Variants in NDNF observed in about 807,000 individuals in gnomAD.
NDNF encodes the protein protein NDNF.
Under a neutral mutation model 42.0 loss-of-function variants are expected in NDNF, and 16 were observed. That is an observed-to-expected ratio of 0.38 (90% CI 0.26 to 0.58). The LOEUF is 0.58. Among genes scored for constraint, NDNF ranks in the 20% least tolerant of loss-of-function variants. The pLI, the probability that NDNF is intolerant of heterozygous loss-of-function variation, is 0.67. For synonymous variants in NDNF, 248 were observed against 251.7 expected (o/e 0.99, Z 0.14); for missense variants, 616 against 666.2 (o/e 0.92, Z 0.83).
At chr4:121,062,975 ATTAAATT>A (rs773865117) in intron 1 of NDNF, among the ~76,000 whole-genome samples, 61 of 152,266 alleles carry the variant, frequency 4.0e-4, no homozygotes, top group Middle Eastern at 3.4e-3. Flanking sequence ...TATTTTTCTT[ATTAAATT>A]TTAAAGGGTT....
intron 1 of NDNF, among the ~76,000 whole-genome samples, chr4:121,055,312 G>T (rs1418926952): frequency 4.6e-5 from 7 of 152,116 alleles, no homozygotes; most frequent in African/African-American, 1.7e-4. Context: ...GGTTTTTTCA[G>T]CTTTGTAGAG....
chr4:121,042,745 A>C (rs1046925618), intron 2 of NDNF, among the ~76,000 whole-genome samples: 3 of 152,150 alleles, frequency 2.0e-5, no homozygotes, highest in African/African-American at 7.2e-5. Context: ...AGTGTTCAAA[A>C]CTTCGTGTTT....
chr4:121,041,366 C>T (rs1454229580), intron 2 of NDNF, among the ~76,000 whole-genome samples: 1 of 152,152 alleles, frequency 6.6e-6, no homozygotes, highest in Non-Finnish European at 1.5e-5. Context: ...ATATCTCTTG[C>T]CTTCCTATTC....
At chr4:121,053,286 G>T (rs1727231647) in intron 1 of NDNF, among the ~76,000 whole-genome samples, 1 of 152,142 alleles carries the variant, frequency 6.6e-6, no homozygotes, top group Admixed American at 6.5e-5. Flanking sequence ...ACATGCCAAG[G>T]ATTCGAATAA....
At position 121,037,174 on chromosome 4, in the gene NDNF, C is replaced by A; in HGVS notation, c.797G>T (p.Arg266Leu). Residue 266 changes from arginine to leucine, a missense_variant, in exon 4 of 4, where the codon CGC (arginine) becomes CTC (leucine). Transcript: ENST00000379692. ...TGGAGAAGGCTTTGCCTGGAAACTG[C>A]GTTCTTTACCTGAATTATCAGAAGG... is the stretch of plus-strand genomic sequence containing the variant. ...GFPSDNSGKE[R>L]SFQAKPSPKL... 6.2e-7 allele frequency: 1 copy of A among 1,613,920 alleles called. No homozygotes were observed.
chr4:121,060,113 C>A (rs1350866486), intron 1 of NDNF, among the ~76,000 whole-genome samples: 1 of 152,100 alleles, frequency 6.6e-6, no homozygotes, highest in Non-Finnish European at 1.5e-5. Context: ...CATATCCTTT[C>A]TTTTTCTAAG....
chr4:121,063,698 C>T (rs745757182), intron 1 of NDNF, among the ~76,000 whole-genome samples: 5 of 151,772 alleles, frequency 3.3e-5, no homozygotes, highest in South Asian at 2.1e-4. Context: ...TTGGGGGTGT[C>T]GGGGGGGCCA....
intron 1 of NDNF, among the ~76,000 whole-genome samples, chr4:121,068,182 T>C (rs1257945101): frequency 6.6e-6 from 1 of 151,858 alleles, no homozygotes; most frequent in African/African-American, 2.4e-5. Flanking sequence ...AAGTATTTAC[T>C]TTTTTTTTCT....
At chr4:121,053,316 G>A (rs1288203611) in intron 1 of NDNF, among the ~76,000 whole-genome samples, 3 of 152,152 alleles carry the variant, frequency 2.0e-5, no homozygotes, top group South Asian at 2.1e-4. Context: ...TCTGTCATGC[G>A]CTCCCTCTGA....
chr4:121,066,675 C>G (rs144446236), intron 1 of NDNF, among the ~76,000 whole-genome samples: 10 of 152,192 alleles, frequency 6.6e-5, no homozygotes, highest in African/African-American at 2.4e-4. Flanking sequence ...TTTTAGAGGT[C>G]TAATTATGAG....
chr4:121,048,705 G>A (rs1027710656), intron 1 of NDNF, among the ~76,000 whole-genome samples: 1 of 152,146 alleles, frequency 6.6e-6, no homozygotes, highest in African/African-American at 2.4e-5. Context: ...GCGTGTGGTG[G>A]TGGGCGCCTG....
At position 121,036,699 on chromosome 4, in the gene NDNF, G is replaced by C; in HGVS notation, c.1272C>G (p.Asn424Lys). The C allele has an allele frequency of 6.2e-7, 1 of 1,614,086 alleles. No homozygotes were observed. Among genetic ancestry groups the C allele is most frequent in the Non-Finnish European group, 8.5e-7 (1 of 1,180,012 alleles). ...KAKYLVRLKG[N>K]KKGASMLKIL... ...TTTTCAACATAGATGCTCCTTTCTTGTTTCCTTTCAGTCGAACGAGGTATT... is the reference window on the plus strand; with the variant it reads ...TTTTCAACATAGATGCTCCTTTCTTCTTTCCTTTCAGTCGAACGAGGTATT... The change falls in exon 4 of 4, where the codon AAC (asparagine) becomes AAG (lysine). Residue 424 changes from asparagine (N) to lysine (K), a missense_variant. Physicochemically the swap from Asn to Lys is moderately conservative, Grantham distance 94. Transcript: ENST00000379692.
At chr4:121,058,030 T>C (rs1467076982) in intron 1 of NDNF, among the ~76,000 whole-genome samples, 2 of 152,186 alleles carry the variant, frequency 1.3e-5, no homozygotes, top group Non-Finnish European at 2.9e-5. Flanking sequence ...GTTATTTTTT[T>C]ATTTTTCTTG....
chr4:121,046,037 A>AT (rs1186215925), intron 1 of NDNF, among the ~76,000 whole-genome samples, 199 bp from the exon 2 acceptor site: 12 of 152,362 alleles, frequency 7.9e-5, no homozygotes, highest in Admixed American at 7.2e-4. Context: ...TTAAAAATAA[A>AT]TTCACTAGAA....
Position 121,036,458 on chromosome 4 carries a change from C to A in NDNF, c.1513G>T (p.Asp505Tyr). The change falls in exon 4 of 4, where the codon GAT becomes TAT. Residue 505 changes from aspartate (D) to tyrosine (Y), a missense_variant. By Grantham distance (160) the Asp-to-Tyr change is radical. Coordinates refer to ENST00000379692, the MANE Select transcript of NDNF (RefSeq NM_024574.4). ...KREQNQCLGP[D>Y]IRKKSEKVLC... ...ACCTTTTCTGACTTCTTCCTTATAT[C>A]TGGTCCTAGACATTGGTTTTGCTCT... 6.2e-7 allele frequency: 1 copy of A among 1,614,152 alleles called. No homozygotes were observed. The highest frequency in any genetic ancestry group is 1.6e-4 in the Middle Eastern group (1 of 6,062).
At chr4:121,070,443 T>C (rs1175695600) in intron 1 of NDNF, among the ~76,000 whole-genome samples, 1 of 152,134 alleles carries the variant, frequency 6.6e-6, no homozygotes, top group African/African-American at 2.4e-5. Flanking sequence ...CGGAGTCCTA[T>C]TTATTTCCAT....
intron 1 of NDNF, among the ~76,000 whole-genome samples, chr4:121,066,144 A>G (rs534833664): frequency 8.5e-4 from 129 of 152,216 alleles, no homozygotes; most frequent in Admixed American, 2.2e-3. Flanking sequence ...TAGAGTGTTA[A>G]ATGTTTATCT....
intron 1 of NDNF, among the ~76,000 whole-genome samples, chr4:121,067,906 G>A (rs1469872543): frequency 1.3e-5 from 2 of 152,202 alleles, no homozygotes; most frequent in South Asian, 2.1e-4. Context: ...TGGGTTGTGT[G>A]TTTAGGAAGG....
chr4:121,041,337 T>C (rs1462856429), intron 2 of NDNF, among the ~76,000 whole-genome samples: 4 of 152,332 alleles, frequency 2.6e-5, no homozygotes, highest in South Asian at 4.1e-4. Flanking sequence ...CTTTGCCTCC[T>C]GTGGATTGAA....
Sources: allele counts gnomAD v4.1 joint callset (sites outside exome capture counted in the v4.1 genomes callset), GRCh38; gene constraint gnomAD v4.1.1; transcripts MANE v1.5; gene names NCBI Gene and HGNC (gene_info 2026-07-23, HGNC 2026-07-21).